The following TTC29 variants were observed in gnomAD, a reference collection of about 807,000 sequenced individuals.
TTC29 encodes tetratricopeptide repeat domain 29.
A neutral mutation model predicts 58.1 loss-of-function variants in TTC29; 49 were observed. The observed-to-expected ratio is 0.84, with a 90% CI of 0.67 to 1.07. The LOEUF is 1.07. Among genes scored for constraint, TTC29 ranks in the 50% least tolerant of loss-of-function variants. The pLI, the probability that TTC29 is intolerant of heterozygous loss-of-function variation, is 0.00. For synonymous variants in TTC29, 209 were observed against 196.8 expected, an observed-to-expected ratio of 1.06 and a Z score of -0.52; for missense variants, 582 against 555.6, an observed-to-expected ratio of 1.05 and a Z score of -0.48.
At chr4:146,894,963 A>G (rs1054612744) in intron 6 of TTC29, among the ~76,000 whole-genome samples, 1 of 152,156 alleles carries the variant, frequency 6.6e-6, no homozygotes, top group Non-Finnish European at 1.5e-5. Context: ...TAAGCTCAGC[A>G]TCCATTAGCT....
intron 11 of TTC29, among the ~76,000 whole-genome samples, chr4:146,764,676 TG>T (rs1382211037): frequency 1.3e-5 from 2 of 152,108 alleles, no homozygotes; most frequent in East Asian, 3.9e-4. Flanking sequence ...TTTCATCGCT[TG>T]TACTTGACGT....
intron 9 of TTC29, among the ~76,000 whole-genome samples, chr4:146,822,909 A>G (rs1751941409): frequency 6.6e-6 from 1 of 152,116 alleles, no homozygotes; most frequent in Admixed American, 6.6e-5. Context: ...TTCTTTTGAG[A>G]AGTGTCTGTT....
chr4:146,880,537 T>C (rs1731556281), intron 6 of TTC29, among the ~76,000 whole-genome samples: 1 of 152,160 alleles, frequency 6.6e-6, no homozygotes, highest in African/African-American at 2.4e-5. Flanking sequence ...TAGTTGGGTA[T>C]TATCCAAATT....
In TTC29 at chr4:146,803,537, T is replaced by C. The variant is rs1239504667; in HGVS notation, c.1250A>G (p.Glu417Gly). The change falls in exon 11 of 13, where the codon GAG becomes GGG. Residue 417 changes from glutamate to glycine, a missense_variant. Glu to Gly is a moderately conservative substitution (Grantham distance 98). Coordinates refer to ENST00000325106, the MANE Select transcript of TTC29 (RefSeq NM_031956.4). The part of the protein sequence containing the change: ...QMMLTVNNYI[E>G]SADLTSLNYL... ...GTTGAGGCTGGTGAGATCTGCAGAC[T>C]CTATATAGTTGTTCACTGTAAGCAT... 6.2e-7 allele frequency: 1 copy of C among 1,603,024 alleles called. No individual in the cohort carries two copies. The highest frequency in any genetic ancestry group is 8.5e-7 in the Non-Finnish European group (1 of 1,173,968).
intron 10 of TTC29, among the ~76,000 whole-genome samples, chr4:146,817,919 C>A (rs1016016703): frequency 6.6e-6 from 1 of 152,052 alleles, no homozygotes; most frequent in South Asian, 2.1e-4. Context: ...TTACACCTTA[C>A]ACAAAAATTA....
chr4:146,833,110 A>G (rs1728275303), intron 9 of TTC29, among the ~76,000 whole-genome samples: 1 of 152,208 alleles, frequency 6.6e-6, no homozygotes, highest in Non-Finnish European at 1.5e-5. Flanking sequence ...CTATTATTAA[A>G]AAGCTCTATC....
At chr4:146,923,992 G>T (rs1475710477) in intron 4 of TTC29, among the ~76,000 whole-genome samples, 1 of 151,602 alleles carries the variant, frequency 6.6e-6, no homozygotes, top group Non-Finnish European at 1.5e-5. Flanking sequence ...TGAAAATTTG[G>T]CATTTAATAA....
At chr4:146,833,333 T>C (rs1044555750) in intron 9 of TTC29, among the ~76,000 whole-genome samples, 9 of 152,328 alleles carry the variant, frequency 5.9e-5, no homozygotes, top group Non-Finnish European at 1.2e-4. Context: ...TTAAATGAAA[T>C]ATTGGGAATA....
Position 146,786,274 on chromosome 4 carries a change from G to A in TTC29, c.1330+17183C>T, listed in dbSNP as rs72731895. The stretch of plus-strand genomic sequence containing the variant: ...TGTAAGGTATAATGCACAAGTGACC[G>A]TTTGTTCTCTAAAAGACTGGCACTG... On this transcript the variant is annotated intron_variant, in intron 11 of 12. Coordinates refer to ENST00000325106, the MANE Select transcript of TTC29 (RefSeq NM_031956.4). Among the ~76,000 whole-genome samples the A allele has an allele frequency of 8.1e-3, 1,227 of 152,296 alleles. 12 individuals carry two copies. Among genetic ancestry groups the A allele is most frequent in the Middle Eastern group, 0.041 (12 of 294 alleles).
At chr4:146,869,097 TAA>T (rs35029868) in intron 7 of TTC29, among the ~76,000 whole-genome samples, 15,208 of 110,198 alleles carry the variant, frequency 0.14, 1,186 homozygotes, top group African/African-American at 0.25. Flanking sequence ...GAGCTTTAAG[TAA>T]AAAAAAAAAA....
At chr4:146,713,361 C>A (rs1027159502) in intron 11 of TTC29, among the ~76,000 whole-genome samples, 20 of 151,820 alleles carry the variant, frequency 1.3e-4, no homozygotes, top group Admixed American at 7.2e-4. Flanking sequence ...TCTCATCTTA[C>A]AGTTTTGTAA....
chr4:146,867,653 C>T (rs1419898798), intron 7 of TTC29, 70 bp from the exon 8 acceptor site: 3 of 704,166 alleles, frequency 4.3e-6, no homozygotes, highest in Non-Finnish European at 6.8e-6. Flanking sequence ...AGAATCCTTG[C>T]TTTTCAAGAC....
At chr4:146,900,309 AAC>A (rs1733054586) in intron 6 of TTC29, among the ~76,000 whole-genome samples, 1 of 152,344 alleles carries the variant, frequency 6.6e-6, no homozygotes, top group African/African-American at 2.4e-5. Flanking sequence ...AAAACAAAAT[AAC>A]ACACTCTCAA....
intron 6 of TTC29, among the ~76,000 whole-genome samples, chr4:146,893,365 A>G (rs973971982): frequency 2.6e-5 from 4 of 152,152 alleles, no homozygotes; most frequent in Non-Finnish European, 4.4e-5. Flanking sequence ...AGAGCCCTCA[A>G]AAATAATGCC....
chr4:146,884,952 G>C (rs1414922119), intron 6 of TTC29, among the ~76,000 whole-genome samples: 1 of 151,978 alleles, frequency 6.6e-6, no homozygotes, highest in Non-Finnish European at 1.5e-5. Context: ...GAAAATAAGA[G>C]TTATTTAAAA....
In TTC29 at chr4:146,844,138, T is replaced by A. The variant is rs191938998; in HGVS notation, c.886-10241A>T. Among the ~76,000 whole-genome samples the A allele has an allele frequency of 3.1e-3, 478 of 152,196 alleles. 1 individual carries two copies. The highest frequency in any genetic ancestry group is 4.7e-3 in the Non-Finnish European group (320 of 67,984). On this transcript the variant is annotated intron_variant, in intron 8 of 12. Coordinates refer to ENST00000325106, the MANE Select transcript of TTC29 (RefSeq NM_031956.4). Reference sequence around the variant, plus strand: ...CCAATTATCTTTCACATGCTAAGAGTTTACATTGTATTTTCAAAAGCTGTA... The same window carrying A: ...CCAATTATCTTTCACATGCTAAGAGATTACATTGTATTTTCAAAAGCTGTA...
intron 4 of TTC29, among the ~76,000 whole-genome samples, chr4:146,910,680 C>T (rs1425969377): frequency 6.6e-6 from 1 of 152,142 alleles, no homozygotes; most frequent in Non-Finnish European, 1.5e-5. Flanking sequence ...TTACAAAAGT[C>T]ATCTGGAAGA....
At chr4:146,899,622 T>C (rs1395068354) in intron 6 of TTC29, among the ~76,000 whole-genome samples, 3 of 152,132 alleles carry the variant, frequency 2.0e-5, no homozygotes, top group African/African-American at 7.2e-5. Flanking sequence ...AGTGGGGACT[T>C]GAACCTATCT....
At chr4:146,934,205 T>C (rs1260756737) in intron 4 of TTC29, 1 of 152,230 alleles carries the variant, frequency 6.6e-6, no homozygotes, top group Non-Finnish European at 1.5e-5. Flanking sequence ...AGCAGTTATA[T>C]GACCATTTAA....
Sources: gnomAD v4.1 joint callset for allele counts (sites outside exome capture counted in the v4.1 genomes callset) on GRCh38, gnomAD v4.1.1 for gene constraint, MANE v1.5 for transcripts, NCBI Gene and HGNC (gene_info 2026-07-23, HGNC 2026-07-21) for gene names.